OPHN1: variants seen among roughly 807,000 people sequenced by gnomAD.
OPHN1 encodes the protein oligophrenin-1.
In OPHN1, 11 loss-of-function variants were observed where a neutral mutation model predicts 60.7. That is an observed-to-expected ratio of 0.18 (90% CI 0.11 to 0.30). The LOEUF (loss-of-function observed/expected upper bound fraction) is 0.30. OPHN1 is among the 10% of genes least tolerant of loss of function. The probability of loss-of-function intolerance (pLI) is 1.00; values close to 1 mark genes in which losing one functional copy is unlikely to be tolerated. For synonymous variants in OPHN1, 226 were observed against 222.6 expected (o/e 1.02, Z -0.14); for missense variants, 449 against 611.0 (o/e 0.73, Z 2.80).
chrX:68,095,444 T>C (rs1311090886), intron 19 of OPHN1, among the ~76,000 whole-genome samples: 4 of 112,455 alleles, frequency 3.6e-5, no homozygotes, highest in Non-Finnish European at 7.5e-5. Context: ...GTATTTATTA[T>C]ACGGTCCTTT....
intron 2 of OPHN1, among the ~76,000 whole-genome samples, chrX:68,334,005 C>T (rs2078309871): frequency 9.3e-6 from 1 of 107,623 alleles, no homozygotes; most frequent in Non-Finnish European, 1.9e-5. Flanking sequence ...TCAAGCGATT[C>T]TCATGCCTCG....
intron 2 of OPHN1, among the ~76,000 whole-genome samples, chrX:68,397,968 A>C (rs755492208): frequency 2.7e-5 from 3 of 111,093 alleles, no homozygotes; most frequent in Non-Finnish European, 5.7e-5. Flanking sequence ...CAAAAGGATG[A>C]TTTAATGATC....
At chrX:68,155,626 C>G (rs1404825751) in intron 15 of OPHN1, among the ~76,000 whole-genome samples, 1 of 112,078 alleles carries the variant, frequency 8.9e-6, no homozygotes. Flanking sequence ...TACACTACCT[C>G]TTCAGAAATT....
intron 10 of OPHN1, among the ~76,000 whole-genome samples, chrX:68,204,617 C>A (rs1284646144): frequency 8.9e-6 from 1 of 111,879 alleles, no homozygotes; most frequent in Non-Finnish European, 1.9e-5. Flanking sequence ...TCACTTCCAA[C>A]TCCAATTTGG....
At chrX:68,362,577 C>T in intron 2 of OPHN1, among the ~76,000 whole-genome samples, 1 of 110,962 alleles carries the variant, frequency 9.0e-6, no homozygotes, top group East Asian at 2.8e-4. Flanking sequence ...TTTAGCCGTT[C>T]TACGTGTATA....
intron 15 of OPHN1, among the ~76,000 whole-genome samples, chrX:68,143,089 T>A (rs146792315): frequency 1.4e-3 from 158 of 111,755 alleles, no homozygotes; most frequent in Middle Eastern, 4.6e-3. Context: ...TTCAGGAGGA[T>A]TCTGGAACCC....
chrX:68,098,111 C>A (rs1384816871), intron 18 of OPHN1, among the ~76,000 whole-genome samples: 1 of 110,600 alleles, frequency 9.0e-6, no homozygotes, highest in African/African-American at 3.3e-5. Context: ...AATATCCCCC[C>A]TCTCCCTACA....
chrX:68,286,874 G>T (rs780696773), intron 3 of OPHN1, among the ~76,000 whole-genome samples: 2 of 109,172 alleles, frequency 1.8e-5, no homozygotes, highest in Non-Finnish European at 3.8e-5. Context: ...AATTAGCTGG[G>T]CATGGTGGCA....
Position 68,097,104 on chromosome X carries a change from T to C in OPHN1, c.1527-75A>G. 4.9e-6 allele frequency: 5 copies of C among 1,013,691 alleles called. No individual in the cohort carries two copies. In the South Asian group the frequency reaches 1.2e-4, roughly 24 times the overall value. The allele number at this position is 1,013,691 out of a possible 1,213,427, so 83.5% of individuals were successfully genotyped here. ...TTACAACCAAGACTGTTTTAGGTGCTGTAGAGGGTAAGAGAAACTAAAATG... is the reference window on the plus strand; with the variant it reads ...TTACAACCAAGACTGTTTTAGGTGCCGTAGAGGGTAAGAGAAACTAAAATG... On this transcript the variant is annotated intron_variant, in intron 18 of 24. Transcript: ENST00000355520.
At chrX:68,387,292 A>C (rs1395281822) in intron 2 of OPHN1, among the ~76,000 whole-genome samples, 2 of 107,718 alleles carry the variant, frequency 1.9e-5, no homozygotes, top group East Asian at 5.9e-4. Context: ...GTATATCCTA[A>C]ATCCCTACGC....
chrX:68,371,937 G>C, intron 2 of OPHN1, among the ~76,000 whole-genome samples: 1 of 111,584 alleles, frequency 9.0e-6, no homozygotes, highest in Non-Finnish European at 1.9e-5. Flanking sequence ...TAGAGACGGG[G>C]TTTCACCATG....
At chrX:68,164,891 G>A (rs2077350870) in intron 15 of OPHN1, among the ~76,000 whole-genome samples, 1 of 112,300 alleles carries the variant, frequency 8.9e-6, no homozygotes, top group Non-Finnish European at 1.9e-5. Context: ...TAGACAACAT[G>A]CATCTACATT....
At chrX:68,373,941 A>C (rs941519890) in intron 2 of OPHN1, among the ~76,000 whole-genome samples, 3 of 111,869 alleles carry the variant, frequency 2.7e-5, no homozygotes, top group African/African-American at 9.7e-5. Flanking sequence ...CACACCATAC[A>C]CAAAAATATA....
intron 2 of OPHN1, among the ~76,000 whole-genome samples, chrX:68,370,242 A>T (rs2078521170): frequency 9.2e-6 from 1 of 108,982 alleles, no homozygotes; most frequent in Non-Finnish European, 1.9e-5. Flanking sequence ...CACACCTGTA[A>T]TCCCAGCACT....
rs1602164916 is a variant in OPHN1, at chrX:68,113,108, A to G, written c.1420+73T>C. 1.3e-5 allele frequency: 12 copies of G among 944,564 alleles called. No individual in the cohort carries two copies. In the East Asian group the frequency reaches 3.4e-4, roughly 27 times the overall value. The allele number at this position is 944,564 out of a possible 1,213,427, so 77.8% of individuals were successfully genotyped here. On this transcript the variant is annotated intron_variant, in intron 17 of 24. Coordinates refer to ENST00000355520, the MANE Select transcript of OPHN1 (RefSeq NM_002547.3). ...TGCCCTCAATCACTTCCCCTCAAACAATTTTCTAGGCTTATTGCAGTAAAC... is the reference window on the plus strand; with the variant it reads ...TGCCCTCAATCACTTCCCCTCAAACGATTTTCTAGGCTTATTGCAGTAAAC...
intron 2 of OPHN1, among the ~76,000 whole-genome samples, chrX:68,416,481 A>G (rs775403472): frequency 9.0e-6 from 1 of 111,538 alleles, no homozygotes; most frequent in Non-Finnish European, 1.9e-5. Flanking sequence ...TTTCTGCGCT[A>G]GTGAACCAGT....
intron 19 of OPHN1, among the ~76,000 whole-genome samples, chrX:68,085,263 T>A (rs1464346999): frequency 8.9e-6 from 1 of 112,049 alleles, no homozygotes; most frequent in Non-Finnish European, 1.9e-5. Flanking sequence ...TTCTACTAGG[T>A]TTTCCCTATT....
Position 68,151,197 on chromosome X carries a change from G to GT in OPHN1, c.1277-31866dup, listed in dbSNP as rs749172969. Among the ~76,000 whole-genome samples the GT allele has an allele frequency of 8.0e-5, 9 of 112,251 alleles. No individual in the cohort carries two copies. In the East Asian group the frequency reaches 2.5e-3, roughly 31 times the overall value. On this transcript the variant is annotated intron_variant, in intron 15 of 24. Transcript: ENST00000355520. Reference sequence around the variant, plus strand: ...CACTTTAGATTTTGCCCGCCATATAGTTTTTATCACAATTATTTACCTCTA... The same window carrying GT: ...CACTTTAGATTTTGCCCGCCATATAGTTTTTTATCACAATTATTTACCTCTA...
intron 2 of OPHN1, among the ~76,000 whole-genome samples, chrX:68,311,036 C>A (rs746060217): frequency 8.9e-6 from 1 of 112,098 alleles, no homozygotes; most frequent in Non-Finnish European, 1.9e-5. Context: ...AAGCAGACTG[C>A]TTGAAACCAA....
Sources: gnomAD v4.1 joint callset for allele counts (sites outside exome capture counted in the v4.1 genomes callset) on GRCh38, gnomAD v4.1.1 for gene constraint, MANE v1.5 for transcripts, NCBI Gene and HGNC (gene_info 2026-07-23, HGNC 2026-07-21) for gene names.